KREMEN1: variants seen among roughly 807,000 people sequenced by gnomAD.
The protein encoded by KREMEN1 is kremen protein 1.
Under a neutral mutation model 46.5 loss-of-function variants are expected in KREMEN1, and 30 were observed. The observed-to-expected ratio is 0.65, with a 90% confidence interval of 0.48 to 0.88. KREMEN1 has a LOEUF of 0.88. KREMEN1 is among the 40% of genes least tolerant of loss of function. The probability of loss-of-function intolerance (pLI) is 0.00; values close to 1 mark genes in which losing one functional copy is unlikely to be tolerated. For synonymous variants in KREMEN1, 214 were observed against 230.6 expected (o/e 0.93, Z 0.65); for missense variants, 533 against 596.9 (o/e 0.89, Z 1.11).
chr22:29,158,009 T>C (rs1043254448), intron 9 of KREMEN1, among the ~76,000 whole-genome samples: 2 of 152,180 alleles, frequency 1.3e-5, no homozygotes, highest in Admixed American at 6.5e-5. Context: ...AATGTAGTCT[T>C]CCAGTGGGCC....
intron 9 of KREMEN1, among the ~76,000 whole-genome samples, chr22:29,163,224 C>T (rs1239290574): frequency 1.3e-5 from 2 of 152,160 alleles, no homozygotes; most frequent in Non-Finnish European, 2.9e-5. Flanking sequence ...CTAGCTCTCA[C>T]GCTCTCCTGC....
intron 9 of KREMEN1, among the ~76,000 whole-genome samples, chr22:29,156,817 C>T (rs563356849): frequency 7.9e-5 from 12 of 152,324 alleles, no homozygotes; most frequent in African/African-American, 2.6e-4. Flanking sequence ...CCAGGCTCCC[C>T]GCTCAACTCT....
intron 5 of KREMEN1, among the ~76,000 whole-genome samples, chr22:29,125,844 A>C (rs1569328537): frequency 6.6e-6 from 1 of 151,990 alleles, no homozygotes; most frequent in Non-Finnish European, 1.5e-5. Flanking sequence ...CTGAGGAGAC[A>C]GCGTAGCTCT....
At position 29,145,463 on chromosome 22, in the gene KREMEN1, G is replaced by T. The variant is rs2145860919; in HGVS notation, c.*3351G>T. The T allele has an allele frequency of 3.0e-6, 3 of 985,568 alleles. No individual in the cohort carries two copies. Among genetic ancestry groups the T allele is most frequent in the African/African-American group, 3.5e-5 (2 of 57,356 alleles). 61.1% of individuals were successfully genotyped at this position (985,568 alleles called of 1,614,324 possible). ...CCATCCTCACCCCTGTTCCCCGCTG[G>T]CGCCAGGCCCTGCCTTCTTGGTACC... On this transcript the variant is annotated 3_prime_UTR_variant, in exon 9 of 9. Coordinates refer to ENST00000400335, the MANE Select transcript of KREMEN1 (RefSeq NM_001039570.3).
chr22:29,091,064 C>T (rs185847610), intron 1 of KREMEN1, among the ~76,000 whole-genome samples: 81 of 152,342 alleles, frequency 5.3e-4, no homozygotes, highest in Admixed American at 5.2e-3. Context: ...ACCTCCGCCT[C>T]CTGGGTTCAA....
rs568089928 is a variant in KREMEN1 at position 29,076,723 on chromosome 22, G to A, written c.97+3496G>A. Among the ~76,000 whole-genome samples, 168 of 152,222 alleles carry A rather than the reference G, an allele frequency of 1.1e-3. 1 individual carries two copies. The highest frequency in any genetic ancestry group is 1.5e-3 in the Non-Finnish European group (101 of 68,000). ...AAAAATTAGCCGGGCATGGTGGCAC[G>A]TGCCTGTAATCCCAGCTACTTGGGA... is the stretch of plus-strand genomic sequence containing the variant. On this transcript the variant is annotated intron_variant, in intron 1 of 8. Coordinates refer to ENST00000400335, the MANE Select transcript of KREMEN1 (RefSeq NM_001039570.3).
intron 9 of KREMEN1, among the ~76,000 whole-genome samples, chr22:29,160,378 A>AC (rs1032611628): frequency 1.8e-4 from 27 of 149,554 alleles, no homozygotes; most frequent in African/African-American, 5.2e-4. Flanking sequence ...TAAAAATACA[A>AC]AAAAAAAAAA....
chr22:29,164,147 A>T (rs2039034397), intron 9 of KREMEN1, among the ~76,000 whole-genome samples: 1 of 152,254 alleles, frequency 6.6e-6, no homozygotes, highest in Admixed American at 6.5e-5. Context: ...AACAGTCCAG[A>T]TGTAAGAGAT....
chr22:29,105,500 C>G (rs971693381), intron 3 of KREMEN1, among the ~76,000 whole-genome samples: 3 of 152,104 alleles, frequency 2.0e-5, no homozygotes, highest in Non-Finnish European at 4.4e-5. Flanking sequence ...CACACACACA[C>G]ACACACACAC....
chr22:29,137,833 A>AC (rs1416607990), intron 6 of KREMEN1, among the ~76,000 whole-genome samples, 159 bp downstream of exon 6: 1 of 152,008 alleles, frequency 6.6e-6, no homozygotes, highest in Non-Finnish European at 1.5e-5. Flanking sequence ...CTCCTTCCCT[A>AC]CCCCCATTTC....
At chr22:29,078,285 C>T (rs1403565759) in intron 1 of KREMEN1, among the ~76,000 whole-genome samples, 1 of 152,024 alleles carries the variant, frequency 6.6e-6, no homozygotes, top group Non-Finnish European at 1.5e-5. Context: ...CAAACAAAAA[C>T]ACCTTGAAAA....
intron 9 of KREMEN1, among the ~76,000 whole-genome samples, chr22:29,166,583 C>T (rs991140388): frequency 6.6e-6 from 1 of 152,204 alleles, no homozygotes; most frequent in African/African-American, 2.4e-5. Flanking sequence ...GCAGAAGTTA[C>T]AGAAACCCAG....
At chr22:29,161,444 T>A (rs1270398483) in intron 9 of KREMEN1, among the ~76,000 whole-genome samples, 4 of 141,596 alleles carry the variant, frequency 2.8e-5, no homozygotes, top group African/African-American at 1.1e-4. Flanking sequence ...GAGGCAGAGC[T>A]TGCAGTGAGC....
chr22:29,153,980 A>AG (rs1413259054), intron 9 of KREMEN1, among the ~76,000 whole-genome samples: 8 of 151,704 alleles, frequency 5.3e-5, no homozygotes, highest in South Asian at 2.1e-4. Flanking sequence ...AAAAAAAAAA[A>AG]AAAGAAAGAA....
At chr22:29,139,629 T>A (rs987784987) in intron 7 of KREMEN1, among the ~76,000 whole-genome samples, 1 of 151,816 alleles carries the variant, frequency 6.6e-6, no homozygotes, top group Non-Finnish European at 1.5e-5. Context: ...AAAAATTAGC[T>A]GGGCGTAGTG....
intron 1 of KREMEN1, among the ~76,000 whole-genome samples, chr22:29,082,868 A>G (rs1439876816): frequency 6.6e-6 from 1 of 152,174 alleles, no homozygotes; most frequent in Non-Finnish European, 1.5e-5. Context: ...CTGGCTTATA[A>G]TGAGCTGAGG....
intron 3 of KREMEN1, among the ~76,000 whole-genome samples, chr22:29,099,731 G>A (rs964894542): frequency 6.6e-6 from 1 of 151,854 alleles, no homozygotes; most frequent in Non-Finnish European, 1.5e-5. Context: ...TTGTGTTTTA[G>A]TAGAAATGGG....
chr22:29,139,391 C>T (rs987430530), intron 7 of KREMEN1, among the ~76,000 whole-genome samples: 2 of 152,164 alleles, frequency 1.3e-5, no homozygotes, highest in Non-Finnish European at 2.9e-5. Context: ...TGCTTGAGGC[C>T]AGGAGTTCGA....
chr22:29,082,101 C>T (rs2037664587), intron 1 of KREMEN1, among the ~76,000 whole-genome samples: 2 of 40,388 alleles, frequency 5.0e-5, no homozygotes. Flanking sequence ...TCCAGTTGAC[C>T]TTCAGACAAC....
Sources: allele counts gnomAD v4.1 joint callset (sites outside exome capture counted in the v4.1 genomes callset), GRCh38; gene constraint gnomAD v4.1.1; transcripts MANE v1.5; gene names NCBI Gene and HGNC (gene_info 2026-07-23, HGNC 2026-07-21).